CAPN15: variants seen among roughly 807,000 people sequenced by gnomAD.
CAPN15 encodes calpain-15.
Under a neutral mutation model 97.9 loss-of-function variants are expected in CAPN15, and 53 were observed. The observed-to-expected ratio is 0.54, with a 90% CI of 0.43 to 0.68. CAPN15 has a LOEUF of 0.68. Among genes scored for constraint, CAPN15 ranks in the 30% least tolerant of loss-of-function variants. CAPN15 has a pLI of 0.00. For synonymous variants in CAPN15, 922 were observed against 722.5 expected, an observed-to-expected ratio of 1.28 and a Z score of -4.43; for missense variants, 1,592 against 1,589.8, an observed-to-expected ratio of 1.00 and a Z score of -0.02.
chr16:532,260 AAAG>A (rs2033321141), intron 1 of CAPN15, among the ~76,000 whole-genome samples: 1 of 149,900 alleles, frequency 6.7e-6, no homozygotes, highest in East Asian at 2.0e-4. Context: ...AAAAGAAAAA[AAAG>A]TAGAATTCGG....
Position 535,079 on chromosome 16 carries a change from C to G in CAPN15, c.-136-950C>G, listed in dbSNP as rs2033609694. 6.6e-6 allele frequency among the ~76,000 whole-genome samples: 1 copy of G among 152,120 alleles called. No individual in the cohort carries two copies. ...GCAAGGCTGGGGGTCGCTGTGCCAG[C>G]CCTGCTCCCATGTGGGCTCCCAGCT... On this transcript the variant is annotated intron_variant, in intron 2 of 13. Transcript: ENST00000219611. The surrounding 1 kb of genome is among the most constrained non-coding windows in gnomAD (Gnocchi z 6.2).
rs780394607 is a variant in CAPN15, at chr16:547,070, G to A, written c.232G>A (p.Ala78Thr). 4.1e-5 allele frequency: 66 copies of A among 1,599,522 alleles called. 1 individual carries two copies. In the South Asian group the frequency reaches 6.8e-4, roughly 16 times the overall value. The change falls in exon 4 of 14, where the codon GCC becomes ACC. Residue 78 changes from alanine (A) to threonine (T), a missense_variant. Physicochemically the swap from Ala to Thr is moderately conservative, Grantham distance 58. Around this residue, in one of 3 missense-constraint regions of CAPN15, gnomAD observed 883 missense variants for 776.6 expected, o/e 1.14. Transcript: ENST00000219611. ...CACCCCGGAGCCTGCGCCTGGGGCT[G>A]CCTTCCTGCCAGTCCTCAACGGGGT... ...GFTPEPAPGA[A>T]FLPVLNGVLP... is the part of the protein sequence containing the mutation.
chr16:529,333 T>G (rs1164530647), intron 1 of CAPN15, among the ~76,000 whole-genome samples: 1 of 152,082 alleles, frequency 6.6e-6, no homozygotes, highest in Non-Finnish European at 1.5e-5. Context: ...ATGCTGCATC[T>G]GTGTGACAGC....
Position 553,465 on chromosome 16 carries a change from C to T in CAPN15, c.3210C>T (p.Ser1070=). ...GGACAGCCTCCAAGGGGACCCACAG[C>T]CCCCCACTCACGCCAGAGGTCGCCG... is the stretch of plus-strand genomic sequence containing the variant. The part of the protein sequence containing the change: ...SDWTASKGTH[S]PPLTPEVAGL... The change falls in exon 14 of 14, where the codon AGC becomes AGT. Residue 1070 remains serine (S), a synonymous_variant. Transcript: ENST00000219611. 2 of 1,611,248 alleles carry T rather than the reference C, an allele frequency of 1.2e-6. No homozygotes were observed. The highest frequency in any genetic ancestry group is 1.7e-6 in the Non-Finnish European group (2 of 1,179,152).
At chr16:544,163 A>G (rs938669190) in intron 3 of CAPN15, among the ~76,000 whole-genome samples, 2 of 152,134 alleles carry the variant, frequency 1.3e-5, no homozygotes, top group Non-Finnish European at 2.9e-5. Flanking sequence ...AGGAGACTGC[A>G]GCCCAGCTCG....
At position 551,399 on chromosome 16, in the gene CAPN15, C is replaced by A; in HGVS notation, c.2164C>A (p.Leu722Met). 6.2e-7 allele frequency: 1 copy of A among 1,610,012 alleles called. No individual in the cohort carries two copies. The stretch of plus-strand genomic sequence containing the variant: ...GCGCCCCCGGCATGCCTACTCCATC[C>A]TGGATGTCCGAGATGTCCAGGGCAC... ...GLRPRHAYSILDVRDVQGTRL... is the reference protein window; with the variant it reads ...GLRPRHAYSIMDVRDVQGTRL... Residue 722 changes from leucine (L) to methionine (M), a missense_variant, in exon 8 of 14, where the codon CTG (leucine) becomes ATG (methionine). By Grantham distance (15) the Leu-to-Met change is conservative. Around this residue, in one of 3 missense-constraint regions of CAPN15, gnomAD observed 644 missense variants for 699.6 expected, o/e 0.92. Transcript: ENST00000219611.
intron 1 of CAPN15, among the ~76,000 whole-genome samples, chr16:529,530 C>CGAA (rs1485954070): frequency 6.6e-6 from 1 of 152,234 alleles, no homozygotes; most frequent in Non-Finnish European, 1.5e-5. Context: ...CACCAGTTCA[C>CGAA]ACGAGGCAAT....
rs1041648890 is a variant in CAPN15, at chr16:535,643, G to A, written c.-136-386G>A. Among the ~76,000 whole-genome samples, 13 of 152,214 alleles carry A rather than the reference G, an allele frequency of 8.5e-5. No individual in the cohort carries two copies. Among genetic ancestry groups the A allele is most frequent in the Non-Finnish European group, 1.8e-4 (12 of 67,988 alleles). Reference sequence around the variant, plus strand: ...GGATCCACACAGCCCGGGGCCCTCCGCACCCTGCCCCTCCAGGGAGCCCAG... The same window carrying A: ...GGATCCACACAGCCCGGGGCCCTCCACACCCTGCCCCTCCAGGGAGCCCAG... On this transcript the variant is annotated intron_variant, in intron 2 of 13. Coordinates refer to ENST00000219611, the MANE Select transcript of CAPN15 (RefSeq NM_005632.3). This position sits in a 1 kb window ranked among gnomAD's most constrained non-coding sequence, Gnocchi z 6.2.
chr16:546,731 G>A (rs891946853), intron 3 of CAPN15, 86 bp from the exon 4 acceptor site: 25 of 1,451,178 alleles, frequency 1.7e-5, no homozygotes, highest in Admixed American at 7.6e-5. Context: ...AGCCACAGAC[G>A]GGTGCCTTCC....
Position 549,960 on chromosome 16 carries a change from G to C in CAPN15, c.2066+122G>C. The C allele has an allele frequency of 5.0e-6, 4 of 793,548 alleles. No homozygotes were observed. In the East Asian group the frequency reaches 8.1e-5, roughly 16 times the overall value. The allele number at this position is 793,548 out of a possible 1,614,324, so 49.2% of individuals were successfully genotyped here. A position where few individuals can be genotyped will look rare whatever the true frequency, so the allele number is the denominator to read the frequency against. On this transcript the variant is annotated intron_variant, in intron 7 of 13. Coordinates refer to ENST00000219611, the MANE Select transcript of CAPN15 (RefSeq NM_005632.3). ...CTTCCACGAGGTGCCCCTGGCGTGG[G>C]CTGACCCCGCGTGGCCAGGCCACAG...
rs1054037308 is a variant in CAPN15, at chr16:545,402, A to G, written c.-22-1415A>G. Among the ~76,000 whole-genome samples the G allele has an allele frequency of 3.3e-5, 5 of 151,238 alleles. No individual in the cohort carries two copies. In the South Asian group the frequency reaches 1.0e-3, roughly 32 times the overall value. On this transcript the variant is annotated intron_variant, in intron 3 of 13. Transcript: ENST00000219611. ...CCACCGAGAGAGGCCGGCACAGCGC[A>G]GACTGCGGGGTCAGTGACACTCCCC... is the stretch of plus-strand genomic sequence containing the variant.
At chr16:545,605 GAC>G (rs887995138) in intron 3 of CAPN15, among the ~76,000 whole-genome samples, 1 of 152,260 alleles carries the variant, frequency 6.6e-6, no homozygotes, top group Non-Finnish European at 1.5e-5. Flanking sequence ...TCTCCCAGCA[GAC>G]ACACCCCGCT....
intron 3 of CAPN15, chr16:540,297 C>A: frequency 2.7e-5 from 27 of 985,426 alleles, no homozygotes; most frequent in Non-Finnish European, 3.0e-5. Flanking sequence ...GGTGTAGGAG[C>A]GGCCCAGGGG....
chr16:540,338 G>A (rs375933550), intron 3 of CAPN15: 72 of 985,556 alleles, frequency 7.3e-5, no homozygotes, highest in South Asian at 2.8e-4. Context: ...CTGGTCAGCC[G>A]GCAGCACCAG....
chr16:532,428 G>T (rs1358054578), intron 1 of CAPN15, among the ~76,000 whole-genome samples: 1 of 151,202 alleles, frequency 6.6e-6, no homozygotes, highest in African/African-American at 2.4e-5. Context: ...GGTGGTGTGT[G>T]CCTGTAATCC....
rs1378078927 is a variant in CAPN15, at chr16:554,580, C to T, written c.*1064C>T. Reference sequence around the variant, plus strand: ...CCCGTTCCTTTACCATAGGATTCTCCACAGTGGCTTCCGACTCAGGCTCCA... The same window carrying T: ...CCCGTTCCTTTACCATAGGATTCTCTACAGTGGCTTCCGACTCAGGCTCCA... On this transcript the variant is annotated 3_prime_UTR_variant, in exon 14 of 14. Coordinates refer to ENST00000219611, the MANE Select transcript of CAPN15 (RefSeq NM_005632.3). The T allele has an allele frequency of 4.4e-6, 2 of 456,126 alleles. No homozygotes were observed. Among genetic ancestry groups the T allele is most frequent in the Non-Finnish European group, 8.8e-6 (2 of 226,758 alleles). The allele number at this position is 456,126 out of a possible 1,614,324, so 28.3% of individuals were successfully genotyped here.
At position 551,439 on chromosome 16, in the gene CAPN15, C is replaced by T. The variant is rs200139964; in HGVS notation, c.2192+12C>T. The T allele has an allele frequency of 2.9e-4, 457 of 1,603,430 alleles. 1 individual carries two copies. The highest frequency in any genetic ancestry group is 3.7e-4 in the Non-Finnish European group (432 of 1,172,708). On this transcript the variant is annotated intron_variant, in intron 8 of 13. Transcript: ENST00000219611. The stretch of plus-strand genomic sequence containing the variant: ...GTCCAGGGCACCAGGTAGGGCCGGC[C>T]TGGCTGAGGGTGGGTGGGGTGCCGG...
At chr16:549,503 C>A (rs946808139) in intron 6 of CAPN15, 32 bp downstream of exon 6, 1 of 1,531,844 alleles carries the variant, frequency 6.5e-7, no homozygotes, top group East Asian at 2.4e-5. Context: ...GCACGGGCGG[C>A]AGGGGCAGCC....
intron 2 of CAPN15, among the ~76,000 whole-genome samples, chr16:534,231 C>CGGGGCCGTGGGCCTGTCGTGGG (rs370331827): frequency 2.0e-5 from 3 of 147,790 alleles, no homozygotes; most frequent in Non-Finnish European, 4.4e-5. Context: ...GGGGTCCCGA[C>CGGGGCCGTGGGCCTGTCGTGGG]AGGGGTGTTT....
Sources: gnomAD v4.1 joint callset for allele counts (sites outside exome capture counted in the v4.1 genomes callset) on GRCh38, gnomAD v4.1.1 for gene constraint, gnomAD v4.1.1 regional missense constraint, Gnocchi (gnomAD v3.1) non-coding constraint, MANE v1.5 for transcripts, NCBI Gene and HGNC (gene_info 2026-07-23, HGNC 2026-07-21) for gene names.